RNGTT: variants seen among roughly 807,000 people sequenced by gnomAD.
RNGTT encodes mRNA-capping enzyme.
Under a neutral mutation model 79.3 loss-of-function variants are expected in RNGTT, and 33 were observed. The observed-to-expected ratio is 0.42, with a 90% CI of 0.32 to 0.56. The LOEUF is 0.56. RNGTT is among the 20% of genes least tolerant of loss of function. RNGTT has a pLI of 0.17. For synonymous variants in RNGTT, 222 were observed against 235.9 expected, an observed-to-expected ratio of 0.94 and a Z score of 0.54; for missense variants, 497 against 739.1, an observed-to-expected ratio of 0.67 and a Z score of 3.80.
chr6:88,869,025 A>G (rs1782271867), intron 8 of RNGTT, among the ~76,000 whole-genome samples: 1 of 152,230 alleles, frequency 6.6e-6, no homozygotes, highest in South Asian at 2.1e-4. Context: ...AAATTTAGAA[A>G]TGTGCTAATA....
intron 11 of RNGTT, among the ~76,000 whole-genome samples, chr6:88,804,363 G>A (rs944030534): frequency 1.3e-5 from 2 of 152,122 alleles, no homozygotes; most frequent in Non-Finnish European, 2.9e-5. Context: ...TATAGACTTG[G>A]CCAGACACAG....
At chr6:88,928,575 G>A (rs191978377) in intron 4 of RNGTT, among the ~76,000 whole-genome samples, 1 of 152,182 alleles carries the variant, frequency 6.6e-6, no homozygotes, top group African/African-American at 2.4e-5. Flanking sequence ...AAACTGTGGT[G>A]TATTTGTATA....
At chr6:88,953,308 A>G (rs1262713614) in intron 1 of RNGTT, among the ~76,000 whole-genome samples, 2 of 152,210 alleles carry the variant, frequency 1.3e-5, no homozygotes, top group Non-Finnish European at 2.9e-5. Flanking sequence ...TGAAAGACAC[A>G]CTTAGAGAAA....
chr6:88,897,941 T>C (rs1783308499), intron 6 of RNGTT, among the ~76,000 whole-genome samples: 1 of 151,844 alleles, frequency 6.6e-6, no homozygotes, highest in Non-Finnish European at 1.5e-5. Context: ...GCAGGAAGAG[T>C]GAGCTCAGGA....
chr6:88,664,703 G>C (rs1241023294), intron 14 of RNGTT, among the ~76,000 whole-genome samples: 1 of 152,154 alleles, frequency 6.6e-6, no homozygotes, highest in Non-Finnish European at 1.5e-5. Flanking sequence ...AGAAAAGCAA[G>C]GTGGTTCAGA....
chr6:88,844,607 T>G, intron 10 of RNGTT, 86 bp from the exon 11 acceptor site: 1 of 1,264,180 alleles, frequency 7.9e-7, no homozygotes, highest in Non-Finnish European at 1.1e-6. Context: ...ATGTACATAA[T>G]AGTCTGTGTA....
At chr6:88,881,816 C>A (rs2127928091) in intron 8 of RNGTT, among the ~76,000 whole-genome samples, 1 of 152,292 alleles carries the variant, frequency 6.6e-6, no homozygotes, top group African/African-American at 2.4e-5. Flanking sequence ...CACTTTCAAC[C>A]TACTCCCACT....
At chr6:88,661,496 A>G (rs1295468778) in intron 14 of RNGTT, among the ~76,000 whole-genome samples, 1 of 152,222 alleles carries the variant, frequency 6.6e-6, no homozygotes, top group African/African-American at 2.4e-5. Context: ...AGATACTACA[A>G]CTGATACCAC....
intron 13 of RNGTT, among the ~76,000 whole-genome samples, chr6:88,684,381 G>A (rs1235680353): frequency 1.3e-5 from 2 of 152,092 alleles, no homozygotes; most frequent in Non-Finnish European, 1.5e-5. Flanking sequence ...ATCTTCCTTG[G>A]TATTTACTCA....
chr6:88,675,413 C>G (rs1190865789), intron 14 of RNGTT, among the ~76,000 whole-genome samples: 1 of 152,090 alleles, frequency 6.6e-6, no homozygotes, highest in African/African-American at 2.4e-5. Context: ...AAAAGCAGGC[C>G]AGGGGTGGTG....
chr6:88,848,926 T>A (rs1415673256), intron 10 of RNGTT, among the ~76,000 whole-genome samples: 2 of 151,974 alleles, frequency 1.3e-5, no homozygotes, highest in African/African-American at 4.8e-5. Context: ...TATGGTGAAA[T>A]TTTTCATATT....
At chr6:88,845,435 C>T (rs1325496461) in intron 10 of RNGTT, among the ~76,000 whole-genome samples, 1 of 152,206 alleles carries the variant, frequency 6.6e-6, no homozygotes, top group Non-Finnish European at 1.5e-5. Context: ...ATCCATGTGG[C>T]ATATACAAAC....
chr6:88,864,454 T>C (rs760443876), intron 8 of RNGTT, among the ~76,000 whole-genome samples: 1 of 152,118 alleles, frequency 6.6e-6, no homozygotes. Flanking sequence ...AAGATATCTG[T>C]AGGCAAAAGA....
At chr6:88,901,739 C>G (rs954151170) in intron 6 of RNGTT, among the ~76,000 whole-genome samples, 1 of 151,982 alleles carries the variant, frequency 6.6e-6, no homozygotes, top group Non-Finnish European at 1.5e-5. Context: ...GAACTCCTGA[C>G]CTCGTGATTC....
At chr6:88,892,394 A>T (rs1438105177) in intron 6 of RNGTT, among the ~76,000 whole-genome samples, 1 of 152,116 alleles carries the variant, frequency 6.6e-6, no homozygotes, top group Non-Finnish European at 1.5e-5. Flanking sequence ...CTGTGTTACT[A>T]TGAATGAAGT....
intron 14 of RNGTT, among the ~76,000 whole-genome samples, chr6:88,676,111 A>G (rs1440157966): frequency 6.6e-6 from 1 of 152,204 alleles, no homozygotes; most frequent in Non-Finnish European, 1.5e-5. Flanking sequence ...AACAACATAG[A>G]AAAAGAACAA....
At chr6:88,852,057 A>T (rs533688233) in intron 9 of RNGTT, among the ~76,000 whole-genome samples, 1 of 152,210 alleles carries the variant, frequency 6.6e-6, no homozygotes, top group South Asian at 2.1e-4. Flanking sequence ...GCCAACTCCT[A>T]CACAAAACAT....
chr6:88,680,383 T>A (rs1775046697), intron 13 of RNGTT, among the ~76,000 whole-genome samples: 1 of 152,112 alleles, frequency 6.6e-6, no homozygotes. Flanking sequence ...TCAAAGCAAC[T>A]TAGATTCTAT....
Position 88,905,029 on chromosome 6 carries a change from A to G in RNGTT, c.444-74T>C, listed in dbSNP as rs1582113950. ...CAGGCTTATCAAAAACTCACTTATT[A>G]TATTCAAGGCTCCATATAAAGTACA... On this transcript the variant is annotated intron_variant, in intron 5 of 15. Transcript: ENST00000369485. 3 of 1,541,904 alleles carry G rather than the reference A, an allele frequency of 1.9e-6. No individual in the cohort carries two copies. In the East Asian group the frequency reaches 6.7e-5, roughly 35 times the overall value.
Sources: allele counts gnomAD v4.1 joint callset (sites outside exome capture counted in the v4.1 genomes callset), GRCh38; gene constraint gnomAD v4.1.1; transcripts MANE v1.5; gene names NCBI Gene and HGNC (gene_info 2026-07-23, HGNC 2026-07-21).